PALMD: variants seen among roughly 807,000 people sequenced by gnomAD.
The protein encoded by PALMD is paralemmin-like protein.
Under a neutral mutation model 56.2 loss-of-function variants are expected in PALMD, and 42 were observed. The observed-to-expected ratio is 0.75, with a 90% CI of 0.58 to 0.97. The LOEUF (loss-of-function observed/expected upper bound fraction) is 0.97. Ranked by LOEUF, PALMD falls within the 50% of genes least tolerant of loss-of-function variation. The pLI is 0.00. For missense variants in PALMD, 660 were observed against 643.8 expected (o/e 1.03, Z -0.27); for synonymous variants, 242 against 222.9 (o/e 1.09, Z -0.76).
At chr1:99,674,818 A>G (rs1653166244) in intron 3 of PALMD, among the ~76,000 whole-genome samples, 1 of 152,220 alleles carries the variant, frequency 6.6e-6, no homozygotes, top group Non-Finnish European at 1.5e-5. Context: ...GAGGTGAATT[A>G]GTTTCAGTGA....
At chr1:99,661,699 G>A (rs896453132) in intron 1 of PALMD, among the ~76,000 whole-genome samples, 4 of 152,160 alleles carry the variant, frequency 2.6e-5, no homozygotes, top group African/African-American at 9.7e-5. Flanking sequence ...TGGGTTGTCC[G>A]AGGTAATGTA....
chr1:99,694,375 T>C lies in PALMD; in HGVS notation c.*313T>C, dbSNP rs544473406. The stretch of plus-strand genomic sequence containing the variant: ...TTTAAGAATAAAGTTATTTAAAATA[T>C]TCTGAGTATAGTATATTAACTGGCA... On this transcript the variant is annotated 3_prime_UTR_variant, in exon 8 of 8. Transcript: ENST00000263174. 4.5e-6 allele frequency: 1 copy of C among 220,788 alleles called. No individual in the cohort carries two copies. The highest frequency in any genetic ancestry group is 2.3e-5 in the African/African-American group (1 of 43,288). The allele number at this position is 220,788 out of a possible 1,614,324, so 13.7% of individuals were successfully genotyped here. A position where few individuals can be genotyped will look rare whatever the true frequency, so the allele number is the denominator to read the frequency against.
At chr1:99,690,791 C>G (rs1477226655) in intron 7 of PALMD, among the ~76,000 whole-genome samples, 2 of 152,112 alleles carry the variant, frequency 1.3e-5, no homozygotes, top group Non-Finnish European at 2.9e-5. Flanking sequence ...TTAAATGTCT[C>G]TAATGGAAGG....
intron 3 of PALMD, among the ~76,000 whole-genome samples, chr1:99,677,409 C>T (rs1203145079): frequency 6.6e-6 from 1 of 151,834 alleles, no homozygotes; most frequent in Non-Finnish European, 1.5e-5. Flanking sequence ...TACATCAAAT[C>T]CTAACTGGTA....
chr1:99,680,379 T>G (rs1386753696), intron 3 of PALMD, among the ~76,000 whole-genome samples: 1 of 152,130 alleles, frequency 6.6e-6, no homozygotes, highest in Non-Finnish European at 1.5e-5. Context: ...AAAGCAAGAT[T>G]CCAATAATGG....
intron 7 of PALMD, among the ~76,000 whole-genome samples, 161 bp from the exon 8 acceptor site, chr1:99,693,855 CTTA>C (rs1300087529): frequency 6.6e-6 from 1 of 152,136 alleles, no homozygotes; most frequent in Admixed American, 6.6e-5. Flanking sequence ...TTAACCATAG[CTTA>C]TTATTTCTAC....
At chr1:99,664,612 A>G (rs1652920135) in intron 2 of PALMD, among the ~76,000 whole-genome samples, 1 of 152,212 alleles carries the variant, frequency 6.6e-6, no homozygotes, top group Admixed American at 6.5e-5. Context: ...AGTTTTGCAA[A>G]AAATAGTTGT....
At chr1:99,691,149 G>C (rs1427297705) in intron 7 of PALMD, among the ~76,000 whole-genome samples, 1 of 152,120 alleles carries the variant, frequency 6.6e-6, no homozygotes, top group Non-Finnish European at 1.5e-5. Context: ...TCTTAAGAGA[G>C]AGCTTTGGTC....
At chr1:99,686,428 T>A (rs985790854) in intron 3 of PALMD, 4 of 261,490 alleles carry the variant, frequency 1.5e-5, no homozygotes, top group Non-Finnish European at 2.8e-5. Context: ...AAAGGTCAAA[T>A]GCTTTACCTA....
intron 7 of PALMD, among the ~76,000 whole-genome samples, chr1:99,692,149 CA>C (rs1424175793): frequency 6.6e-6 from 1 of 152,200 alleles, no homozygotes; most frequent in East Asian, 1.9e-4. Context: ...CCCTACCAAT[CA>C]GGGGGTAGTA....
chr1:99,665,140 T>C (rs1228648521), intron 2 of PALMD, among the ~76,000 whole-genome samples: 2 of 152,144 alleles, frequency 1.3e-5, no homozygotes, highest in Admixed American at 6.6e-5. Flanking sequence ...ATGAGTCCGT[T>C]CAATTCAATC....
At chr1:99,672,530 C>T (rs1231897296) in intron 3 of PALMD, among the ~76,000 whole-genome samples, 1 of 152,096 alleles carries the variant, frequency 6.6e-6, no homozygotes, top group Admixed American at 6.6e-5. Flanking sequence ...TAGCCCACAC[C>T]CAAAATGACA....
At chr1:99,651,140 A>G in intron 1 of PALMD, among the ~76,000 whole-genome samples, 1 of 151,476 alleles carries the variant, frequency 6.6e-6, no homozygotes, top group East Asian at 1.9e-4. Context: ...ATATTCAACA[A>G]TGAAACCTCA....
rs1653595772 is a variant in PALMD, at chr1:99,689,112, A to T, written c.852A>T (p.Gln284His). 1.9e-6 allele frequency: 3 copies of T among 1,613,690 alleles called. No individual in the cohort carries two copies. Among genetic ancestry groups the T allele is most frequent in the Middle Eastern group, 1.7e-4 (1 of 6,054 alleles). Residue 284 changes from glutamine (Q) to histidine (H), a missense_variant, in exon 7 of 8, where the codon CAA (glutamine) becomes CAT (histidine). Coordinates refer to ENST00000263174, the MANE Select transcript of PALMD (RefSeq NM_017734.5). Reference protein sequence around the residue: ...RETVTPGPNFQERIKIKTNGL... With the variant: ...RETVTPGPNFHERIKIKTNGL... ...CGGTGACCCCTGGACCAAACTTTCA[A>T]GAAAGGATAAAGATTAAAACTAATG...
intron 3 of PALMD, chr1:99,668,041 G>A (rs1329132159): frequency 1.3e-5 from 4 of 316,160 alleles, no homozygotes; most frequent in Admixed American, 4.2e-5. Context: ...ACCAATGCTT[G>A]GCTAATTTTT....
chr1:99,658,303 C>CAAAAAAAA (rs144642179), intron 1 of PALMD, among the ~76,000 whole-genome samples: 1 of 105,236 alleles, frequency 9.5e-6, no homozygotes. Context: ...GACTCTGTCT[C>CAAAAAAAA]AAAAAAAAAA....
chr1:99,689,372 C>A lies in PALMD; in HGVS notation c.1112C>A (p.Pro371His). Reference sequence around the variant, plus strand: ...CCCTCTCCAAAGCCAAGGCTGAGCCCCAGAGAGACAATATTTGGGAAATCT... The same window carrying A: ...CCCTCTCCAAAGCCAAGGCTGAGCCACAGAGAGACAATATTTGGGAAATCT... ...DAPSPKPRLS[P>H]RETIFGKSEH... Residue 371 changes from proline to histidine, a missense_variant, in exon 7 of 8, where the codon CCC becomes CAC. Pro to His is a moderately conservative substitution (Grantham distance 77). Transcript: ENST00000263174. 1 of 1,613,664 alleles carries A rather than the reference C, an allele frequency of 6.2e-7. No individual in the cohort carries two copies. The highest frequency in any genetic ancestry group is 8.5e-7 in the Non-Finnish European group (1 of 1,179,870).
At chr1:99,662,231 C>A in intron 1 of PALMD, 88 bp from the exon 2 acceptor site, 1 of 711,494 alleles carries the variant, frequency 1.4e-6, no homozygotes, top group South Asian at 1.7e-5. Flanking sequence ...ATATCAGTAA[C>A]GGGCCATTCA....
intron 3 of PALMD, among the ~76,000 whole-genome samples, chr1:99,680,612 C>T (rs1326700250): frequency 6.6e-6 from 1 of 152,076 alleles, no homozygotes; most frequent in African/African-American, 2.4e-5. Context: ...AAAGGTAATA[C>T]CTTCTAAAGA....
Sources: gnomAD v4.1 joint callset for allele counts (sites outside exome capture counted in the v4.1 genomes callset) on GRCh38, gnomAD v4.1.1 for gene constraint, MANE v1.5 for transcripts, NCBI Gene and HGNC (gene_info 2026-07-23, HGNC 2026-07-21) for gene names.